The following ANO3 variants were observed in gnomAD, a reference collection of about 807,000 sequenced individuals.
ANO3 encodes anoctamin 3.
A neutral mutation model predicts 144.8 loss-of-function variants in ANO3; 99 were observed. The observed-to-expected ratio is 0.68, with a 90% CI of 0.58 to 0.81. ANO3 has a LOEUF of 0.81. Ranked by LOEUF, ANO3 falls within the 30% of genes least tolerant of loss-of-function variation. ANO3 has a pLI of 0.00. For synonymous variants in ANO3, 414 were observed against 392.6 expected, an observed-to-expected ratio of 1.05 and a Z score of -0.64; for missense variants, 905 against 1,202.2, an observed-to-expected ratio of 0.75 and a Z score of 3.66.
chr11:26,462,935 C>A, intron 3 of ANO3, 95 bp from the exon 4 acceptor site: 1 of 553,208 alleles, frequency 1.8e-6, no homozygotes, highest in Non-Finnish European at 3.1e-6. Flanking sequence ...ATAGGCTAAA[C>A]TCTGGGAAAA....
At chr11:26,321,484 CATAAAT>C (rs1854760041) in intron 1 of ANO3, among the ~76,000 whole-genome samples, 1 of 151,954 alleles carries the variant, frequency 6.6e-6, no homozygotes, top group African/African-American at 2.4e-5. Flanking sequence ...ATATTTTACT[CATAAAT>C]CTTGGAGTCT....
intron 1 of ANO3, among the ~76,000 whole-genome samples, chr11:26,312,518 CT>C (rs1284089359): frequency 6.6e-6 from 1 of 152,166 alleles, no homozygotes; most frequent in Admixed American, 6.5e-5. Context: ...TGTTTCTTGA[CT>C]TTTTAATGAT....
At chr11:26,218,899 G>A (rs1048647859) in intron 1 of ANO3, among the ~76,000 whole-genome samples, 1 of 152,132 alleles carries the variant, frequency 6.6e-6, no homozygotes. Flanking sequence ...TTGATTCTAA[G>A]TTGTCATATT....
chr11:26,547,688 C>T (rs1175353864), intron 12 of ANO3, 138 bp downstream of exon 12: 4 of 831,064 alleles, frequency 4.8e-6, no homozygotes, highest in Non-Finnish European at 7.1e-6. Flanking sequence ...TGTTTTTTGG[C>T]TTTTGTTTTT....
chr11:26,366,911 A>G (rs1856105519), intron 1 of ANO3, among the ~76,000 whole-genome samples: 2 of 152,082 alleles, frequency 1.3e-5, no homozygotes, highest in Admixed American at 1.3e-4. Context: ...GCAAAAATTT[A>G]TAGACCAATG....
chr11:26,316,156 G>A (rs1854620780), intron 1 of ANO3, among the ~76,000 whole-genome samples: 1 of 152,140 alleles, frequency 6.6e-6, no homozygotes, highest in Non-Finnish European at 1.5e-5. Flanking sequence ...AATGCAATGG[G>A]GCTCTTTCTT....
intron 9 of ANO3, among the ~76,000 whole-genome samples, chr11:26,535,636 G>A (rs962295832): frequency 4.9e-5 from 6 of 122,102 alleles, no homozygotes; most frequent in Non-Finnish European, 9.5e-5. Context: ...AGGCTGGAGT[G>A]CAGTGGCACG....
chr11:26,584,495 G>A (rs949496742), intron 14 of ANO3, among the ~76,000 whole-genome samples: 4 of 152,234 alleles, frequency 2.6e-5, no homozygotes, highest in Admixed American at 2.6e-4. Context: ...TGGAATAATG[G>A]AAAGATGACA....
At chr11:26,357,686 C>A (rs1247313580) in intron 1 of ANO3, among the ~76,000 whole-genome samples, 1 of 151,982 alleles carries the variant, frequency 6.6e-6, no homozygotes, top group Non-Finnish European at 1.5e-5. Flanking sequence ...GAAAATGTTT[C>A]TAATTTTGAT....
intron 11 of ANO3, among the ~76,000 whole-genome samples, chr11:26,545,991 C>A (rs1489061992): frequency 1.3e-5 from 2 of 151,988 alleles, no homozygotes; most frequent in African/African-American, 2.4e-5. Flanking sequence ...TAACCTTCAA[C>A]AATGTGTAAT....
At chr11:26,381,452 G>T (rs752068940) in intron 1 of ANO3, among the ~76,000 whole-genome samples, 1 of 151,988 alleles carries the variant, frequency 6.6e-6, no homozygotes, top group African/African-American at 2.4e-5. Context: ...TTCCTACTAC[G>T]CCTACACTTT....
intron 1 of ANO3, among the ~76,000 whole-genome samples, chr11:26,283,405 C>T (rs1181151492): frequency 7.4e-6 from 1 of 134,688 alleles, no homozygotes; most frequent in African/African-American, 2.7e-5. Flanking sequence ...CCAGGGGAAA[C>T]GAGTAACTCT....
chr11:26,238,601 C>T (rs1300558827), intron 1 of ANO3, among the ~76,000 whole-genome samples: 2 of 151,828 alleles, frequency 1.3e-5, no homozygotes. Flanking sequence ...CTGGGCTCTA[C>T]AAAATTGAAC....
At chr11:26,544,273 T>TATATATATATATATATATATATAAAC in intron 11 of ANO3, among the ~76,000 whole-genome samples, 1 of 58,566 alleles carries the variant, frequency 1.7e-5, no homozygotes. Flanking sequence ...TATATATATA[T>TATATATATATATATATATATATAAAC]ACACACATAC....
intron 1 of ANO3, among the ~76,000 whole-genome samples, chr11:26,274,684 C>A (rs1215047075): frequency 6.6e-6 from 1 of 152,172 alleles, no homozygotes; most frequent in African/African-American, 2.4e-5. Context: ...ACACATAATG[C>A]CATCTGTTGG....
intron 14 of ANO3, among the ~76,000 whole-genome samples, chr11:26,596,221 A>T: frequency 2.0e-5 from 3 of 148,486 alleles, no homozygotes; most frequent in South Asian, 2.1e-4. Flanking sequence ...TCTCTGTTTG[A>T]CTCATCTTTT....
chr11:26,302,740 G>T lies in ANO3; in HGVS notation c.155-6905G>T, dbSNP rs545100833. The stretch of plus-strand genomic sequence containing the variant: ...TGAAAATCAGCACTTTTAATATTCT[G>T]TAATATATTTTCAGCTTTTGTATGG... On this transcript the variant is annotated intron_variant, in intron 1 of 27. Transcript: ENST00000672621. Among the ~76,000 whole-genome samples the T allele has an allele frequency of 2.0e-4, 30 of 152,190 alleles. No homozygotes were observed. In the South Asian group the frequency reaches 5.6e-3, roughly 28 times the overall value.
intron 1 of ANO3, among the ~76,000 whole-genome samples, chr11:26,409,199 C>T (rs189861678): frequency 6.6e-6 from 1 of 151,702 alleles, no homozygotes; most frequent in South Asian, 2.1e-4. Context: ...CACTCCCAAA[C>T]CCACCCCAAG....
rs1303701284 is a variant in ANO3, at chr11:26,598,399, G to A, written c.1482G>A (p.Arg494=). The A allele has an allele frequency of 1.9e-6, 3 of 1,581,808 alleles. No homozygotes were observed. The highest frequency in any genetic ancestry group is 1.7e-4 in the Middle Eastern group (1 of 5,960). ...TCCTGGAGTTTTGGAAAAGGAGAAG[G>A]AGTATACTGACCTATACTTGGGACC... is the stretch of plus-strand genomic sequence containing the variant. ...TVFLEFWKRR[R]SILTYTWDLI... The change falls in exon 15 of 27, where the codon AGG becomes AGA. Residue 494 remains arginine, a synonymous_variant. Transcript: ENST00000256737.
Sources: gnomAD v4.1 joint callset for allele counts (sites outside exome capture counted in the v4.1 genomes callset) on GRCh38, gnomAD v4.1.1 for gene constraint, MANE v1.5 for transcripts, NCBI Gene and HGNC (gene_info 2026-07-23, HGNC 2026-07-21) for gene names.